The following ROCK2 variants were observed in gnomAD, a reference collection of about 807,000 sequenced individuals.
ROCK2 encodes the protein rho-associated protein kinase 2.
Under a neutral mutation model 195.1 loss-of-function variants are expected in ROCK2, and 61 were observed. That is an observed-to-expected ratio of 0.31 (90% CI 0.25 to 0.39). The LOEUF is 0.39. Ranked by LOEUF, ROCK2 falls within the 10% of genes least tolerant of loss-of-function variation. ROCK2 has a pLI of 1.00. For missense variants in ROCK2, 1,109 were observed against 1,637.4 expected, an observed-to-expected ratio of 0.68 and a Z score of 5.57; for synonymous variants, 504 against 545.5, an observed-to-expected ratio of 0.92 and a Z score of 1.06.
At chr2:11,250,468 C>A (rs1196439822) in intron 3 of ROCK2, among the ~76,000 whole-genome samples, 1 of 152,112 alleles carries the variant, frequency 6.6e-6, no homozygotes, top group East Asian at 1.9e-4. Context: ...CACCAGAGAG[C>A]CAATAAATAT....
chr2:11,244,360 G>A (rs1468297614), intron 4 of ROCK2, among the ~76,000 whole-genome samples: 1 of 152,160 alleles, frequency 6.6e-6, no homozygotes, highest in Non-Finnish European at 1.5e-5. Context: ...ATTGGCCATG[G>A]TTGGTAATTG....
intron 18 of ROCK2, among the ~76,000 whole-genome samples, chr2:11,210,876 C>G (rs944180535): frequency 3.9e-5 from 6 of 152,138 alleles, no homozygotes; most frequent in Non-Finnish European, 8.8e-5. Context: ...CCTTAAACTA[C>G]ACTGATTTTT....
At chr2:11,295,931 T>C (rs1455346470) in intron 1 of ROCK2, among the ~76,000 whole-genome samples, 11 of 137,640 alleles carry the variant, frequency 8.0e-5, no homozygotes, top group African/African-American at 1.1e-4. Context: ...CACTCCAGCC[T>C]GGGTGACAGA....
At chr2:11,317,613 T>TATATATTTA (rs1553317465) in intron 1 of ROCK2, among the ~76,000 whole-genome samples, 2 of 20,306 alleles carry the variant, frequency 9.8e-5, no homozygotes, top group African/African-American at 3.9e-4. Flanking sequence ...TATATATATA[T>TATATATTTA]TTTTTTTTTT....
At position 11,201,468 on chromosome 2, in the gene ROCK2, C is replaced by T; in HGVS notation, c.2620-55G>A. 3 of 940,810 alleles carry T rather than the reference C, an allele frequency of 3.2e-6. No homozygotes were observed. Among genetic ancestry groups the T allele is most frequent in the Non-Finnish European group, 5.1e-6 (3 of 584,206 alleles). 58.3% of individuals were successfully genotyped at this position (940,810 alleles called of 1,614,324 possible). A position where few individuals can be genotyped will look rare whatever the true frequency, so the allele number is the denominator to read the frequency against. On this transcript the variant is annotated intron_variant, in intron 21 of 32. Coordinates refer to ENST00000315872, the MANE Select transcript of ROCK2 (RefSeq NM_004850.5). This position sits in a 1 kb window ranked among gnomAD's most constrained non-coding sequence, Gnocchi z 4.6. ...ATCATCATCAGAAATATTACTTCTACATTCAAAAGCTATTCAGACAAAAAG... is the reference window on the plus strand; with the variant it reads ...ATCATCATCAGAAATATTACTTCTATATTCAAAAGCTATTCAGACAAAAAG...
At position 11,301,771 on chromosome 2, in the gene ROCK2, G is replaced by A. The variant is rs1217863170; in HGVS notation, c.142-14035C>T. Among the ~76,000 whole-genome samples the A allele has an allele frequency of 1.3e-3, 111 of 83,902 alleles. 2 individuals are homozygous for A. The East Asian group carries it at 0.041, about 31-fold the overall frequency. The allele number at this position is 83,902 out of a possible 152,430, so 55.0% of individuals were successfully genotyped here. On this transcript the variant is annotated intron_variant, in intron 1 of 32. Transcript: ENST00000315872. ...CCAGCCTGGGCAACAAGAGTGAAAC[G>A]CCGCCTCAAAAAAAAAAAAAAAAAA...
chr2:11,344,147 C>T lies in ROCK2; in HGVS notation c.-11G>A, dbSNP rs201526009. 1.4e-6 allele frequency: 2 copies of T among 1,426,046 alleles called. No individual in the cohort carries two copies. Among genetic ancestry groups the T allele is most frequent in the Admixed American group, 6.6e-5 (2 of 30,260 alleles). 88.3% of individuals were successfully genotyped at this position (1,426,046 alleles called of 1,614,324 possible). On this transcript the variant is annotated 5_prime_UTR_variant, in exon 1 of 33. Coordinates refer to ENST00000315872, the MANE Select transcript of ROCK2 (RefSeq NM_004850.5). The surrounding 1 kb of genome is among the most constrained non-coding windows in gnomAD (Gnocchi z 5.4). ...CGGGGGCCGGCTCATGCCGCCACCG[C>T]TGGACCCGCACTCAGGCTCCTCGCG... is the stretch of plus-strand genomic sequence containing the variant.
In ROCK2 at chr2:11,183,247, T is replaced by C. The variant is rs2148015727; in HGVS notation, c.*190A>G. 4.0e-6 allele frequency: 2 copies of C among 501,892 alleles called. No homozygotes were observed. The highest frequency in any genetic ancestry group is 7.2e-6 in the Non-Finnish European group (2 of 277,540). 31.1% of individuals were successfully genotyped at this position (501,892 alleles called of 1,614,324 possible). A position where few individuals can be genotyped will look rare whatever the true frequency, so the allele number is the denominator to read the frequency against. ...AACCAATCATTGTTGGTTCAACCTG[T>C]TGCTTCAAAGGAGCCCAGATTTGTA... On this transcript the variant is annotated 3_prime_UTR_variant, in exon 33 of 33. Coordinates refer to ENST00000315872, the MANE Select transcript of ROCK2 (RefSeq NM_004850.5).
At chr2:11,262,207 T>C (rs968617188) in intron 3 of ROCK2, among the ~76,000 whole-genome samples, 4 of 152,050 alleles carry the variant, frequency 2.6e-5, no homozygotes, top group African/African-American at 9.7e-5. Flanking sequence ...TAAAAGTGGA[T>C]GAGTGTAAAA....
At chr2:11,200,888 A>G in intron 23 of ROCK2, 69 bp downstream of exon 23, 2 of 1,306,286 alleles carry the variant, frequency 1.5e-6, no homozygotes, top group Non-Finnish European at 2.1e-6. Flanking sequence ...GATACTTAGT[A>G]TGTCTAAAGA....
At chr2:11,338,932 A>G (rs1558406925) in intron 1 of ROCK2, among the ~76,000 whole-genome samples, 2 of 152,008 alleles carry the variant, frequency 1.3e-5, no homozygotes, top group Non-Finnish European at 2.9e-5. Flanking sequence ...AAAAATCAGA[A>G]GAATGACTGC....
intron 3 of ROCK2, 124 bp from the exon 4 acceptor site, chr2:11,249,922 A>T: frequency 3.0e-6 from 2 of 659,980 alleles, no homozygotes; most frequent in Non-Finnish European, 2.3e-6. Context: ...GCTAATAAAA[A>T]GTAAAAGCAA....
chr2:11,184,385 A>G (rs1051454973), intron 32 of ROCK2, among the ~76,000 whole-genome samples: 6 of 152,212 alleles, frequency 3.9e-5, no homozygotes, highest in African/African-American at 1.4e-4. Flanking sequence ...TTTGGAATGA[A>G]CAGAACGTAT....
intron 4 of ROCK2, 40 bp from the exon 5 acceptor site, chr2:11,236,002 A>G (rs907417139): frequency 1.4e-6 from 2 of 1,449,956 alleles, no homozygotes; most frequent in Admixed American, 5.1e-5. Flanking sequence ...TTAAAAACCC[A>G]AACCAAAAAT....
chr2:11,273,764 GACAT>G (rs1666729546), intron 3 of ROCK2, among the ~76,000 whole-genome samples: 1 of 151,960 alleles, frequency 6.6e-6, no homozygotes, highest in African/African-American at 2.4e-5. Context: ...TAAAAAGATA[GACAT>G]ACAAAGTATA....
rs751535922 is a variant in ROCK2, at chr2:11,180,205, T to C, written c.*3232A>G. The C allele has an allele frequency of 1.3e-5, 2 of 152,204 alleles. No individual in the cohort carries two copies. Among genetic ancestry groups the C allele is most frequent in the Non-Finnish European group, 2.9e-5 (2 of 68,040 alleles). The allele number at this position is 152,204 out of a possible 1,614,324, so 9.4% of individuals were successfully genotyped here. On this transcript the variant is annotated 3_prime_UTR_variant, in exon 33 of 33. Transcript: ENST00000315872. Reference sequence around the variant, plus strand: ...TTAAAGCATGTTTCAGTAAGGTTAATATAGTGTCCGAGTTTCTCTACTTTA... The same window carrying C: ...TTAAAGCATGTTTCAGTAAGGTTAACATAGTGTCCGAGTTTCTCTACTTTA...
At chr2:11,330,813 A>G (rs1397094638) in intron 1 of ROCK2, among the ~76,000 whole-genome samples, 2 of 24,206 alleles carry the variant, frequency 8.3e-5, no homozygotes, top group Non-Finnish European at 1.5e-4. Flanking sequence ...AGAGAGGAGG[A>G]AGGGGAGGAG....
At chr2:11,280,245 A>C (rs1666952683) in intron 3 of ROCK2, among the ~76,000 whole-genome samples, 1 of 152,160 alleles carries the variant, frequency 6.6e-6, no homozygotes, top group East Asian at 1.9e-4. Context: ...GGCTCTAGCC[A>C]GGTTGGCTAG....
chr2:11,228,062 G>T (rs1322439110), intron 5 of ROCK2, among the ~76,000 whole-genome samples: 2 of 152,164 alleles, frequency 1.3e-5, no homozygotes. Flanking sequence ...CCTCCCTGAT[G>T]TCTTTTTGAC....
Sources: allele counts gnomAD v4.1 joint callset (sites outside exome capture counted in the v4.1 genomes callset), GRCh38; gene constraint gnomAD v4.1.1; non-coding constraint Gnocchi (gnomAD v3.1); transcripts MANE v1.5; gene names NCBI Gene and HGNC (gene_info 2026-07-23, HGNC 2026-07-21).